DACH2: variants seen among roughly 807,000 people sequenced by gnomAD.
DACH2 encodes dachshund homolog 2.
A neutral mutation model predicts 35.8 loss-of-function variants in DACH2; 17 were observed. The ratio of observed to expected loss-of-function variants is 0.48; its 90% CI spans 0.33 to 0.71. DACH2 has a LOEUF of 0.71. Among genes scored for constraint, DACH2 ranks in the 30% least tolerant of loss-of-function variants. The probability of loss-of-function intolerance (pLI) is 0.02; values close to 1 mark genes in which losing one functional copy is unlikely to be tolerated. For synonymous variants in DACH2, 195 were observed against 177.3 expected, an observed-to-expected ratio of 1.10 and a Z score of -0.79; for missense variants, 469 against 472.7, an observed-to-expected ratio of 0.99 and a Z score of 0.07.
chrX:86,465,512 AT>A (rs1317203278), intron 2 of DACH2, among the ~76,000 whole-genome samples: 1 of 111,726 alleles, frequency 9.0e-6, no homozygotes, highest in African/African-American at 3.3e-5. Context: ...ATTGAGTGGA[AT>A]TTTGACAATC....
At chrX:86,306,005 AAAT>A (rs2034679657) in intron 1 of DACH2, among the ~76,000 whole-genome samples, 2 of 112,315 alleles carry the variant, frequency 1.8e-5, no homozygotes, top group African/African-American at 6.5e-5. Context: ...GTGGGAATGT[AAAT>A]TAGTTTAGTC....
chrX:86,711,318 G>A (rs181082961), intron 5 of DACH2, among the ~76,000 whole-genome samples: 139 of 111,592 alleles, frequency 1.2e-3, no homozygotes, highest in Non-Finnish European at 2.3e-3. Context: ...CGGAGGTTGC[G>A]TGAGCCGAGA....
chrX:86,824,239 G>A (rs2042541593), intron 11 of DACH2, among the ~76,000 whole-genome samples: 1 of 110,571 alleles, frequency 9.0e-6, no homozygotes, highest in African/African-American at 3.3e-5. Context: ...CTTCTCCAGG[G>A]TATTCATTAT....
chrX:86,432,978 A>G (rs1365260827), intron 2 of DACH2, among the ~76,000 whole-genome samples: 2 of 111,094 alleles, frequency 1.8e-5, no homozygotes, highest in East Asian at 2.8e-4. Flanking sequence ...ATGGACCCAG[A>G]CTCTTCAGTT....
rs1211428057 is a variant in DACH2, at chrX:86,193,657, G to A, written c.488+44549G>A. On this transcript the variant is annotated intron_variant, in intron 1 of 11. Coordinates refer to ENST00000373125, the MANE Select transcript of DACH2 (RefSeq NM_053281.3). ...GATATATTTTAAGATTTTGAATACA[G>A]ACTATGACTTCAGTCCAATTCTTGA... Among the ~76,000 whole-genome samples, 8 of 110,974 alleles carry A rather than the reference G, an allele frequency of 7.2e-5. No homozygotes were observed. In the Admixed American group the frequency reaches 7.8e-4, roughly 11 times the overall value.
At chrX:86,610,394 TTTCTTTCTTTCTTTCTTTCTTTCTTTTC>T (rs1321895831) in intron 3 of DACH2, among the ~76,000 whole-genome samples, 1,022 of 87,041 alleles carry the variant, frequency 0.012, 10 homozygotes, top group African/African-American at 0.02. Flanking sequence ...TCTTTCTTTC[TTTCTTTCTTTCTTTCTTTCTTTCTTTTC>T]TTTCTTTCTT....
intron 1 of DACH2, among the ~76,000 whole-genome samples, chrX:86,285,633 C>A (rs2034128677): frequency 9.0e-6 from 1 of 111,564 alleles, no homozygotes. Context: ...AATGTGCATT[C>A]TGCAGCAGTA....
rs756821694 is a variant in DACH2 at position 86,701,885 on chromosome X, G to A, written c.931+6706G>A. ...ACTGGAGGGTGGAGGGTACAAGGAG[G>A]GAGATGATCAGAAAAAATACCTATT... is the stretch of plus-strand genomic sequence containing the variant. On this transcript the variant is annotated intron_variant, in intron 5 of 11. Coordinates refer to ENST00000373125, the MANE Select transcript of DACH2 (RefSeq NM_053281.3). Among the ~76,000 whole-genome samples the A allele has an allele frequency of 2.9e-4, 32 of 111,183 alleles. 1 individual carries two copies. Among genetic ancestry groups the A allele is most frequent in the African/African-American group, 1.0e-3 (31 of 30,610 alleles).
chrX:86,498,562 C>T (rs1302134413), intron 2 of DACH2, among the ~76,000 whole-genome samples: 1 of 112,417 alleles, frequency 8.9e-6, no homozygotes, highest in Non-Finnish European at 1.9e-5. Flanking sequence ...CGTGGAAACA[C>T]ACTTGCTGTG....
intron 7 of DACH2, among the ~76,000 whole-genome samples, chrX:86,808,531 T>G (rs2042365897): frequency 9.1e-6 from 1 of 110,476 alleles, no homozygotes; most frequent in Admixed American, 9.7e-5. Flanking sequence ...TTCCTTATAT[T>G]CACACAAGTC....
intron 7 of DACH2, among the ~76,000 whole-genome samples, chrX:86,802,162 G>A (rs1171691871): frequency 1.8e-5 from 2 of 111,582 alleles, no homozygotes; most frequent in African/African-American, 6.5e-5. Context: ...TAGCCCAGTG[G>A]TTTTTTGAAT....
At chrX:86,374,201 C>T (rs1210964675) in intron 1 of DACH2, among the ~76,000 whole-genome samples, 1 of 111,069 alleles carries the variant, frequency 9.0e-6, no homozygotes, top group Non-Finnish European at 1.9e-5. Flanking sequence ...CAAAGATGAG[C>T]ATGCTGGGTA....
At chrX:86,646,793 A>T (rs1390238489) in intron 3 of DACH2, among the ~76,000 whole-genome samples, 1 of 110,117 alleles carries the variant, frequency 9.1e-6, no homozygotes, top group Non-Finnish European at 1.9e-5. Context: ...CAATATATGG[A>T]TGTATGAAAC....
At chrX:86,695,798 C>T (rs888603974) in intron 5 of DACH2, among the ~76,000 whole-genome samples, 8 of 110,756 alleles carry the variant, frequency 7.2e-5, no homozygotes, top group Admixed American at 9.6e-5. Context: ...CAGGTGTGAG[C>T]CACCACACCC....
intron 7 of DACH2, among the ~76,000 whole-genome samples, chrX:86,779,702 T>G (rs2042071197): frequency 9.0e-6 from 1 of 111,388 alleles, no homozygotes; most frequent in African/African-American, 3.3e-5. Context: ...TGGTGAAAAG[T>G]GGCCTGATTC....
At chrX:86,827,592 A>G (rs1276231924) in intron 11 of DACH2, among the ~76,000 whole-genome samples, 1 of 111,978 alleles carries the variant, frequency 8.9e-6, no homozygotes, top group Non-Finnish European at 1.9e-5. Context: ...TAAGGGATAA[A>G]CCTAATAAAA....
At chrX:86,411,398 A>G (rs2036612236) in intron 2 of DACH2, among the ~76,000 whole-genome samples, 1 of 110,251 alleles carries the variant, frequency 9.1e-6, no homozygotes, top group African/African-American at 3.3e-5. Flanking sequence ...GTATCTTTCA[A>G]TCCAATCATC....
At chrX:86,721,962 T>C (rs775053846) in intron 6 of DACH2, among the ~76,000 whole-genome samples, 6 of 111,088 alleles carry the variant, frequency 5.4e-5, no homozygotes, top group Non-Finnish European at 9.4e-5. Context: ...ACCCCCATGA[T>C]TTGATTACCT....
chrX:86,612,663 G>A (rs1002966139), intron 3 of DACH2, among the ~76,000 whole-genome samples: 2 of 112,408 alleles, frequency 1.8e-5, no homozygotes, highest in East Asian at 5.7e-4. Flanking sequence ...ACACCAGGTG[G>A]CTGCTGCCAG....
Sources: gnomAD v4.1 joint callset for allele counts (sites outside exome capture counted in the v4.1 genomes callset) on GRCh38, gnomAD v4.1.1 for gene constraint, MANE v1.5 for transcripts, NCBI Gene and HGNC (gene_info 2026-07-23, HGNC 2026-07-21) for gene names.